The following CDC14A variants were observed in gnomAD, a reference collection of about 807,000 sequenced individuals.
CDC14A encodes the protein dual specificity protein phosphatase CDC14A.
CDC14A carries 53 observed loss-of-function variants against 74.4 expected under a neutral mutation model. The ratio of observed to expected loss-of-function variants is 0.71; its 90% CI spans 0.57 to 0.89. CDC14A has a LOEUF of 0.89. CDC14A is among the 40% of genes least tolerant of loss of function. The probability of loss-of-function intolerance (pLI) is 0.00; values close to 1 mark genes in which losing one functional copy is unlikely to be tolerated. For synonymous variants in CDC14A, 247 were observed against 258.4 expected, an observed-to-expected ratio of 0.96 and a Z score of 0.43; for missense variants, 646 against 713.7, an observed-to-expected ratio of 0.91 and a Z score of 1.08.
chr1:100,517,075 G>A (rs1650294333), intron 15 of CDC14A, among the ~76,000 whole-genome samples: 1 of 152,162 alleles, frequency 6.6e-6, no homozygotes, highest in Non-Finnish European at 1.5e-5. Context: ...TGACATTGTG[G>A]CTTTCGCCCT....
intron 10 of CDC14A, among the ~76,000 whole-genome samples, chr1:100,469,411 C>T (rs374105234): frequency 3.7e-4 from 57 of 152,288 alleles, no homozygotes; most frequent in African/African-American, 1.3e-3. Flanking sequence ...ACAGGAATTT[C>T]TCTCTTTTTA....
intron 11 of CDC14A, chr1:100,486,133 A>C (rs1254306069): frequency 6.6e-6 from 1 of 152,244 alleles, no homozygotes; most frequent in Non-Finnish European, 1.5e-5. Flanking sequence ...GGTTGAGTAC[A>C]AGTAAATAGG....
intron 4 of CDC14A, among the ~76,000 whole-genome samples, chr1:100,409,568 G>A (rs1363077491): frequency 6.6e-6 from 1 of 152,184 alleles, no homozygotes; most frequent in African/African-American, 2.4e-5. Context: ...GGTAAGTACA[G>A]CCATTCCAAG....
intron 15 of CDC14A, among the ~76,000 whole-genome samples, chr1:100,511,885 C>T (rs1360906740): frequency 2.6e-5 from 4 of 152,176 alleles, no homozygotes; most frequent in African/African-American, 9.7e-5. Context: ...AAATCCTTCT[C>T]ATGTTTGGCT....
rs1244105725 is a variant in CDC14A, at chr1:100,412,768, TTA to T, written c.310-11439_310-11438del. On this transcript the variant is annotated intron_variant, in intron 4 of 15. Coordinates refer to ENST00000336454, the MANE Select transcript of CDC14A (RefSeq NM_003672.4). ...TATATATATATTTTATATATATATA[TTA>T]TATATATATATATAGTATGTATGCA... Among the ~76,000 whole-genome samples the T allele has an allele frequency of 2.3e-3, 181 of 78,824 alleles. 1 individual carries two copies. The highest frequency in any genetic ancestry group is 4.3e-3 in the South Asian group (14 of 3,280). 51.7% of individuals were successfully genotyped at this position (78,824 alleles called of 152,430 possible). A position where few individuals can be genotyped will look rare whatever the true frequency, so the allele number is the denominator to read the frequency against.
At chr1:100,470,231 T>G (rs1436060721) in intron 10 of CDC14A, among the ~76,000 whole-genome samples, 1 of 152,004 alleles carries the variant, frequency 6.6e-6, no homozygotes, top group Non-Finnish European at 1.5e-5. Flanking sequence ...TGTACAAAAA[T>G]TTGACAAAGT....
chr1:100,409,678 T>C (rs543882661), intron 4 of CDC14A, among the ~76,000 whole-genome samples: 9 of 152,346 alleles, frequency 5.9e-5, no homozygotes, highest in African/African-American at 2.2e-4. Flanking sequence ...TCTCCTTTGA[T>C]TCCATATCTC....
At chr1:100,408,847 T>C (rs1660294292) in intron 4 of CDC14A, among the ~76,000 whole-genome samples, 1 of 152,208 alleles carries the variant, frequency 6.6e-6, no homozygotes, top group Non-Finnish European at 1.5e-5. Context: ...TTTCTTTATG[T>C]TGGGGACATT....
chr1:100,467,814 T>C, intron 9 of CDC14A, 142 bp from the exon 10 acceptor site: 2 of 782,850 alleles, frequency 2.6e-6, no homozygotes, highest in Non-Finnish European at 3.9e-6. Flanking sequence ...GGGTTTTACA[T>C]GATAGCAGTT....
At chr1:100,512,524 A>G (rs1363987324) in intron 15 of CDC14A, among the ~76,000 whole-genome samples, 1 of 152,198 alleles carries the variant, frequency 6.6e-6, no homozygotes, top group African/African-American at 2.4e-5. Flanking sequence ...CTGAGTTTGC[A>G]TCAATATAAT....
At chr1:100,380,791 C>T (rs562573787) in intron 3 of CDC14A, among the ~76,000 whole-genome samples, 7 of 152,174 alleles carry the variant, frequency 4.6e-5, no homozygotes, top group Non-Finnish European at 8.8e-5. Flanking sequence ...GCAGCAGTAC[C>T]CTTGCCACTC....
intron 4 of CDC14A, among the ~76,000 whole-genome samples, chr1:100,408,869 T>C (rs377388219): frequency 3.9e-5 from 6 of 152,206 alleles, no homozygotes; most frequent in African/African-American, 1.4e-4. Flanking sequence ...AATATCCTCC[T>C]TCTAGCTATT....
At chr1:100,482,055 T>C (rs779490824) in intron 10 of CDC14A, among the ~76,000 whole-genome samples, 1 of 152,204 alleles carries the variant, frequency 6.6e-6, no homozygotes, top group Non-Finnish European at 1.5e-5. Context: ...ATCTTTAATA[T>C]TCAGGTTCAA....
chr1:100,505,693 G>A (rs1649168633), intron 15 of CDC14A, among the ~76,000 whole-genome samples: 1 of 152,148 alleles, frequency 6.6e-6, no homozygotes, highest in Non-Finnish European at 1.5e-5. Flanking sequence ...CCCTCTGCCT[G>A]TTCTCCATTT....
chr1:100,455,370 T>C (rs1666576730), intron 7 of CDC14A, 35 bp from the exon 8 acceptor site: 2 of 1,369,510 alleles, frequency 1.5e-6, no homozygotes, highest in African/African-American at 1.4e-5. Context: ...AATTATAAAA[T>C]ATTTTTCTTC....
chr1:100,501,559 T>A (rs765129947), intron 15 of CDC14A, among the ~76,000 whole-genome samples: 1 of 152,250 alleles, frequency 6.6e-6, no homozygotes, highest in African/African-American at 2.4e-5. Flanking sequence ...AATACAATTA[T>A]GTACAGTGCA....
chr1:100,377,723 T>C, intron 3 of CDC14A, 102 bp downstream of exon 3: 1 of 777,020 alleles, frequency 1.3e-6, no homozygotes. Flanking sequence ...CAGGTGATCT[T>C]GATCTCTGGA....
At chr1:100,517,386 CTTTGTTATCCTCAGGTATT>C (rs1377571480) in intron 15 of CDC14A, among the ~76,000 whole-genome samples, 2 of 152,072 alleles carry the variant, frequency 1.3e-5, no homozygotes, top group African/African-American at 4.8e-5. Flanking sequence ...ATCAAGTAAA[CTTTGTTATCCTCAGGTATT>C]TAATTGGAAG....
intron 4 of CDC14A, among the ~76,000 whole-genome samples, chr1:100,409,552 G>A (rs1050699041): frequency 1.3e-5 from 2 of 152,206 alleles, no homozygotes; most frequent in Non-Finnish European, 2.9e-5. Context: ...GGGGGTACAG[G>A]CATTGGGTAA....
Sources: gnomAD v4.1 joint callset for allele counts (sites outside exome capture counted in the v4.1 genomes callset) on GRCh38, gnomAD v4.1.1 for gene constraint, MANE v1.5 for transcripts, NCBI Gene and HGNC (gene_info 2026-07-23, HGNC 2026-07-21) for gene names.